Variants in BRI3 observed in about 807,000 individuals in gnomAD.
The protein encoded by BRI3 is brain protein I3.
A neutral mutation model predicts 12.8 loss-of-function variants in BRI3; 6 were observed. The observed-to-expected ratio is 0.47, with a 90% CI of 0.26 to 0.93. The LOEUF (loss-of-function observed/expected upper bound fraction) is 0.93. Among genes scored for constraint, BRI3 ranks in the 40% least tolerant of loss-of-function variants. The probability of loss-of-function intolerance (pLI) is 0.15; values close to 1 mark genes in which losing one functional copy is unlikely to be tolerated. For missense variants in BRI3, 134 were observed against 171.1 expected (o/e 0.78, Z 1.21); for synonymous variants, 91 against 76.1 (o/e 1.20, Z -1.02).
upstream of BRI3, among the ~76,000 whole-genome samples, chr7:98,305,720 G>C (rs1389196197): frequency 6.6e-6 from 1 of 152,180 alleles, no homozygotes; most frequent in Non-Finnish European, 1.5e-5. Context: ...ACCGTGCCCG[G>C]CCAGTTTCCT....
Position 98,281,736 on chromosome 7 carries a change from TCCCCCGCCGGGG to T in BRI3, c.-57_-46del. On this transcript the variant is annotated 5_prime_UTR_variant, in exon 1 of 3. Coordinates refer to ENST00000297290, the MANE Select transcript of BRI3 (RefSeq NM_015379.5). ...CCGCGTCCCCGCCGCCGCCGCCGCG[TCCCCCGCCGGGG>T]CCGACCGAGCCGAGCCGGGCCGGAG... 7 of 823,628 alleles carry T rather than the reference TCCCCCGCCGGGG, an allele frequency of 8.5e-6. No individual in the cohort carries two copies. Among genetic ancestry groups the T allele is most frequent in the Non-Finnish European group, 1.0e-5 (7 of 690,158 alleles). 51.0% of individuals were successfully genotyped at this position (823,628 alleles called of 1,614,324 possible). A position where few individuals can be genotyped will look rare whatever the true frequency, so the allele number is the denominator to read the frequency against.
chr7:98,301,126 C>A (rs1041850185), intron 1 of BRI3, among the ~76,000 whole-genome samples: 2 of 152,192 alleles, frequency 1.3e-5, no homozygotes, highest in Non-Finnish European at 2.9e-5. Context: ...ACCCCTCCCC[C>A]ACAGCCATAC....
chr7:98,307,134 C>CA (rs2116856534), intron 1 of BRI3: 1 of 159,058 alleles, frequency 6.3e-6, no homozygotes, highest in African/African-American at 2.4e-5. Context: ...TTTTTTGAGA[C>CA]AGAGTCTTGC....
intron 2 of BRI3, among the ~76,000 whole-genome samples, chr7:98,288,366 G>A (rs1000003091): frequency 1.3e-5 from 2 of 152,110 alleles, no homozygotes; most frequent in South Asian, 2.1e-4. Context: ...CAGGCAGGGC[G>A]TGCTGCAGTC....
upstream of BRI3, chr7:98,304,316 G>C (rs1307692757): frequency 6.2e-7 from 1 of 1,613,472 alleles, no homozygotes; most frequent in Non-Finnish European, 8.5e-7. Context: ...CGGGTGGGGG[G>C]ATGACAACAC....
downstream of BRI3, chr7:98,293,165 C>T (rs1251943133): frequency 1.0e-5 from 3 of 287,634 alleles, no homozygotes; most frequent in African/African-American, 2.2e-5. Context: ...ATATCAGGTG[C>T]AGAAAGCCAG....
At chr7:98,297,367 G>A (rs1217953385), downstream of BRI3, among the ~76,000 whole-genome samples, 3 of 152,136 alleles carry the variant, frequency 2.0e-5, no homozygotes, top group Non-Finnish European at 4.4e-5. Context: ...GAGGGGTCCC[G>A]GGCAGCTCGG....
chr7:98,296,338 G>A (rs532686784), downstream of BRI3, among the ~76,000 whole-genome samples: 112 of 152,298 alleles, frequency 7.4e-4, no homozygotes, highest in Middle Eastern at 3.4e-3. Context: ...TTTAAAATAT[G>A]TATTGGGCCA....
At chr7:98,285,033 G>A (rs889203032) in intron 2 of BRI3, among the ~76,000 whole-genome samples, 9 of 152,146 alleles carry the variant, frequency 5.9e-5, no homozygotes, top group African/African-American at 1.4e-4. Context: ...TCCTGCAAGC[G>A]GGGAAGGCAG....
At chr7:98,301,057 C>T (rs1297781703) in intron 1 of BRI3, among the ~76,000 whole-genome samples, 3 of 152,262 alleles carry the variant, frequency 2.0e-5, no homozygotes, top group East Asian at 1.9e-4. Context: ...GGCTCTAGGC[C>T]GCCCAGTAGA....
chr7:98,285,196 C>T (rs1035177525), intron 2 of BRI3, among the ~76,000 whole-genome samples: 16 of 152,184 alleles, frequency 1.1e-4, no homozygotes, highest in African/African-American at 2.4e-4. Context: ...CTGTGGAGGG[C>T]GGATGTCGCT....
At chr7:98,288,787 G>C (rs1799796946) in intron 2 of BRI3, among the ~76,000 whole-genome samples, 1 of 135,746 alleles carries the variant, frequency 7.4e-6, no homozygotes, top group African/African-American at 2.6e-5. Context: ...TTTTTGTAGG[G>C]AGGGGTCTTT....
upstream of BRI3, among the ~76,000 whole-genome samples, chr7:98,305,841 A>G (rs183726798): frequency 7.6e-3 from 1,160 of 152,296 alleles, 18 homozygotes; most frequent in Non-Finnish European, 9.1e-3. Context: ...TTAGTATCTG[A>G]TCTGGAATAC....
At chr7:98,303,179 A>C (rs1800496281), upstream of BRI3, among the ~76,000 whole-genome samples, 1 of 152,058 alleles carries the variant, frequency 6.6e-6, no homozygotes, top group Non-Finnish European at 1.5e-5. Context: ...ACGTTCCCAG[A>C]CTCCTCAAGG....
At chr7:98,313,300 T>C (rs1176909147), downstream of BRI3, among the ~76,000 whole-genome samples, 6 of 152,210 alleles carry the variant, frequency 3.9e-5, no homozygotes, top group South Asian at 8.3e-4. Flanking sequence ...ACTTCCAGCA[T>C]AGAAACGAGC....
At chr7:98,284,205 G>T (rs1357569965) in intron 2 of BRI3, among the ~76,000 whole-genome samples, 1 of 152,196 alleles carries the variant, frequency 6.6e-6, no homozygotes, top group Non-Finnish European at 1.5e-5. Flanking sequence ...AAGGTTGGGG[G>T]GTCCTTAGTC....
chr7:98,317,498 C>A, the BRI3 span: 1 of 1,000,718 alleles, frequency 1.0e-6, no homozygotes, highest in South Asian at 1.5e-5. Flanking sequence ...CTGGCTGGGG[C>A]CCCCACACCC....
At chr7:98,304,316 G>T, upstream of BRI3, 1 of 1,613,472 alleles carries the variant, frequency 6.2e-7, no homozygotes, top group Admixed American at 1.7e-5. Context: ...CGGGTGGGGG[G>T]ATGACAACAC....
downstream of BRI3, among the ~76,000 whole-genome samples, chr7:98,293,908 A>G (rs1166112459): frequency 2.6e-5 from 4 of 152,206 alleles, no homozygotes; most frequent in African/African-American, 9.7e-5. Context: ...AGCGTGGTCT[A>G]AAGTAGTTGG....
Sources: gnomAD v4.1 joint callset for allele counts (sites outside exome capture counted in the v4.1 genomes callset) on GRCh38, gnomAD v4.1.1 for gene constraint, MANE v1.5 for transcripts, NCBI Gene and HGNC (gene_info 2026-07-23, HGNC 2026-07-21) for gene names.